Variants in PTPN13 observed in about 807,000 individuals in gnomAD.
PTPN13 encodes tyrosine-protein phosphatase non-receptor type 13.
PTPN13 carries 191 observed loss-of-function variants against 284.0 expected under a neutral mutation model. The ratio of observed to expected loss-of-function variants is 0.67; its 90% CI spans 0.60 to 0.76. The LOEUF (loss-of-function observed/expected upper bound fraction) is 0.76, where lower values mean the gene tolerates loss of function less well. PTPN13 is among the 30% of genes least tolerant of loss of function. The probability of loss-of-function intolerance (pLI) is 0.00; values close to 1 mark genes in which losing one functional copy is unlikely to be tolerated. For synonymous variants in PTPN13, 986 were observed against 1,022.3 expected (o/e 0.96, Z 0.68); for missense variants, 2,797 against 2,939.9 (o/e 0.95, Z 1.12).
At chr4:86,675,984 GCT>G (rs1327441113) in intron 3 of PTPN13, among the ~76,000 whole-genome samples, 1 of 152,072 alleles carries the variant, frequency 6.6e-6, no homozygotes, top group Non-Finnish European at 1.5e-5. Flanking sequence ...AAGAATTATT[GCT>G]CTCTGTGCTT....
At chr4:86,671,005 C>T (rs1051474755) in intron 2 of PTPN13, among the ~76,000 whole-genome samples, 2 of 152,160 alleles carry the variant, frequency 1.3e-5, no homozygotes, top group African/African-American at 4.8e-5. Flanking sequence ...GACCATTGGT[C>T]TATAACACCA....
intron 33 of PTPN13, among the ~76,000 whole-genome samples, chr4:86,774,763 G>A (rs1170549766): frequency 1.3e-5 from 2 of 151,028 alleles, no homozygotes; most frequent in Non-Finnish European, 3.0e-5. Context: ...TGTGCACAAC[G>A]TGCAGGTTTG....
intron 3 of PTPN13, among the ~76,000 whole-genome samples, chr4:86,683,286 T>G (rs553382449): frequency 2.0e-5 from 3 of 152,170 alleles, no homozygotes; most frequent in African/African-American, 7.2e-5. Flanking sequence ...GGAGAGCCAA[T>G]GATGTAGTTC....
At chr4:86,773,150 C>T (rs541242051) in intron 32 of PTPN13, among the ~76,000 whole-genome samples, 192 bp downstream of exon 32, 1 of 152,276 alleles carries the variant, frequency 6.6e-6, no homozygotes, top group South Asian at 2.1e-4. Context: ...GAGTATAAAT[C>T]CTGACTCTAC....
At chr4:86,711,380 C>T (rs907908804) in intron 7 of PTPN13, among the ~76,000 whole-genome samples, 2 of 151,940 alleles carry the variant, frequency 1.3e-5, no homozygotes, top group African/African-American at 4.8e-5. Flanking sequence ...GACTATTCTA[C>T]AAAATGGTTT....
At chr4:86,748,823 T>G (rs1467799491) in intron 17 of PTPN13, among the ~76,000 whole-genome samples, 1 of 151,890 alleles carries the variant, frequency 6.6e-6, no homozygotes, top group Non-Finnish European at 1.5e-5. Context: ...GCCCAGCTAA[T>G]TTTTTGTATT....
intron 23 of PTPN13, among the ~76,000 whole-genome samples, chr4:86,760,502 A>C (rs1017008022): frequency 7.2e-5 from 11 of 152,188 alleles, no homozygotes; most frequent in African/African-American, 2.7e-4. Flanking sequence ...TTGTCCAACA[A>C]ATATTTATTC....
intron 10 of PTPN13, among the ~76,000 whole-genome samples, chr4:86,728,088 G>C (rs1192579051): frequency 6.7e-6 from 1 of 149,666 alleles, no homozygotes; most frequent in Non-Finnish European, 1.5e-5. Context: ...TAGTCATTCA[G>C]GAGAAGGTTG....
chr4:86,769,736 A>G (rs1392095158), intron 28 of PTPN13, 33 bp from the exon 29 acceptor site: 2 of 1,370,266 alleles, frequency 1.5e-6, no homozygotes, highest in African/African-American at 2.9e-5. Flanking sequence ...CATGTTAATA[A>G]TATCTAAATT....
At chr4:86,607,010 G>A (rs765740100) in intron 1 of PTPN13, among the ~76,000 whole-genome samples, 22 of 151,734 alleles carry the variant, frequency 1.4e-4, no homozygotes, top group Non-Finnish European at 2.8e-4. Context: ...GGAGCACTTA[G>A]CATTCTTTTA....
intron 3 of PTPN13, among the ~76,000 whole-genome samples, chr4:86,681,935 GA>G (rs757862103): frequency 1.4e-5 from 2 of 145,878 alleles, no homozygotes; most frequent in South Asian, 2.2e-4. Context: ...TCAAAAAAAA[GA>G]AAAAAAAAGG....
intron 2 of PTPN13, among the ~76,000 whole-genome samples, chr4:86,651,824 A>G (rs890666523): frequency 6.6e-6 from 1 of 152,098 alleles, no homozygotes; most frequent in African/African-American, 2.4e-5. Flanking sequence ...ATCAGTTGTA[A>G]TGTCCCCTTT....
chr4:86,604,244 A>G (rs1764557567), intron 1 of PTPN13, among the ~76,000 whole-genome samples: 2 of 152,130 alleles, frequency 1.3e-5, no homozygotes, highest in South Asian at 4.1e-4. Flanking sequence ...CTGATCTGTA[A>G]AATGCAAATA....
intron 7 of PTPN13, 35 bp downstream of exon 7, chr4:86,701,836 A>T: frequency 2.0e-6 from 3 of 1,519,458 alleles, no homozygotes; most frequent in Non-Finnish European, 2.7e-6. Context: ...GAAAGAATTG[A>T]AGTATTTTAA....
chr4:86,646,290 ATTTTTTTTTTTTT>A (rs772882076), intron 2 of PTPN13, among the ~76,000 whole-genome samples: 20 of 132,860 alleles, frequency 1.5e-4, no homozygotes, highest in Middle Eastern at 3.5e-3. Context: ...AATATTTGCA[ATTTTTTTTTTTTT>A]TTTTTTTTTT....
At chr4:86,788,870 C>G (rs780479802) in intron 40 of PTPN13, among the ~76,000 whole-genome samples, 1 of 152,054 alleles carries the variant, frequency 6.6e-6, no homozygotes, top group Non-Finnish European at 1.5e-5. Context: ...GAAACATATT[C>G]TGTTAAATGT....
chr4:86,644,131 A>G (rs964383983), intron 2 of PTPN13, among the ~76,000 whole-genome samples: 1 of 146,074 alleles, frequency 6.8e-6, no homozygotes, highest in Non-Finnish European at 1.5e-5. Flanking sequence ...AAGATGATTG[A>G]TTTTTTTTTT....
intron 12 of PTPN13, among the ~76,000 whole-genome samples, chr4:86,733,805 T>C (rs930560254): frequency 2.6e-5 from 4 of 152,160 alleles, no homozygotes; most frequent in Non-Finnish European, 4.4e-5. Context: ...ACTAATGACA[T>C]TAAAAAATAA....
chr4:86,703,032 T>C (rs1731331841), intron 7 of PTPN13, among the ~76,000 whole-genome samples: 1 of 152,178 alleles, frequency 6.6e-6, no homozygotes, highest in Non-Finnish European at 1.5e-5. Flanking sequence ...TGAGTTTTGC[T>C]GTACTTTGAG....
Sources: allele counts gnomAD v4.1 joint callset (sites outside exome capture counted in the v4.1 genomes callset), GRCh38; gene constraint gnomAD v4.1.1; transcripts MANE v1.5; gene names NCBI Gene and HGNC (gene_info 2026-07-23, HGNC 2026-07-21).